The following ERC1 variants were observed in gnomAD, a reference collection of about 807,000 sequenced individuals.
ERC1 encodes the protein ELKS/RAB6-interacting/CAST family member 1.
Under a neutral mutation model 132.0 loss-of-function variants are expected in ERC1, and 56 were observed. That is an observed-to-expected ratio of 0.42 (90% confidence interval 0.34 to 0.53). The LOEUF (loss-of-function observed/expected upper bound fraction) is 0.53. Ranked by LOEUF, ERC1 falls within the 20% of genes least tolerant of loss-of-function variation. The probability of loss-of-function intolerance (pLI) is 0.03; values close to 1 mark genes in which losing one functional copy is unlikely to be tolerated. For synonymous variants in ERC1, 478 were observed against 476.1 expected (o/e 1.00, Z -0.05); for missense variants, 1,202 against 1,349.9 (o/e 0.89, Z 1.72).
intron 12 of ERC1, among the ~76,000 whole-genome samples, chr12:1,210,049 T>C (rs1957724109): frequency 6.6e-6 from 1 of 152,242 alleles, no homozygotes; most frequent in South Asian, 2.1e-4. Flanking sequence ...ACCTGTTGCC[T>C]TGTTGCTTTA....
intron 17 of ERC1, among the ~76,000 whole-genome samples, chr12:1,411,075 A>G (rs1376595951): frequency 1.3e-5 from 2 of 152,020 alleles, no homozygotes; most frequent in African/African-American, 4.8e-5. Flanking sequence ...CTTTTTTTAG[A>G]AGTCATTCTA....
rs533370863 is a variant in ERC1, at chr12:1,263,783, G to A, written c.2619+618G>A. Reference sequence around the variant, plus strand: ...CAGCTCACTGCAACCTCTGCCTCCCGGGTTCAAGTGATTCTCCTGCCTCAA... The same window carrying A: ...CAGCTCACTGCAACCTCTGCCTCCCAGGTTCAAGTGATTCTCCTGCCTCAA... On this transcript the variant is annotated intron_variant, in intron 14 of 18. Coordinates refer to ENST00000360905, the MANE Select transcript of ERC1 (RefSeq NM_178040.4). Among the ~76,000 whole-genome samples, 130 of 151,860 alleles carry A rather than the reference G, an allele frequency of 8.6e-4. 1 individual carries two copies. Among genetic ancestry groups the A allele is most frequent in the Admixed American group, 5.8e-3 (89 of 15,250 alleles).
chr12:992,397 CTT>C (rs1002427433), intron 1 of ERC1, among the ~76,000 whole-genome samples: 4 of 152,174 alleles, frequency 2.6e-5, no homozygotes, highest in Non-Finnish European at 4.4e-5. Flanking sequence ...GTACAACCGT[CTT>C]TTATAGCGTG....
intron 8 of ERC1, among the ~76,000 whole-genome samples, chr12:1,166,232 T>A (rs1952416522): frequency 6.6e-6 from 1 of 152,118 alleles, no homozygotes; most frequent in Non-Finnish European, 1.5e-5. Flanking sequence ...ATGGGATGGG[T>A]CTTTCTCGTG....
Position 1,083,508 on chromosome 12 carries a change from G to A in ERC1, c.1014G>A (p.Glu338=), listed in dbSNP as rs1458369106. ...EDHERTRRLA[E]AEMHVHHLES... ...ATGAGAGAACAAGACGACTGGCAGA[G>A]GCAGAGATGCACGTTCATCACCTAG... The change falls in exon 3 of 19, where the codon GAG becomes GAA. Residue 338 remains glutamate, a synonymous_variant. Coordinates refer to ENST00000360905, the MANE Select transcript of ERC1 (RefSeq NM_178040.4). 6.2e-7 allele frequency: 1 copy of A among 1,614,114 alleles called. No individual in the cohort carries two copies. Among genetic ancestry groups the A allele is most frequent in the Non-Finnish European group, 8.5e-7 (1 of 1,179,994 alleles).
At chr12:1,408,968 T>C (rs1027029776) in intron 17 of ERC1, among the ~76,000 whole-genome samples, 3 of 152,104 alleles carry the variant, frequency 2.0e-5, no homozygotes, top group Non-Finnish European at 4.4e-5. Flanking sequence ...CACCCAGTCT[T>C]AAAATATGTA....
At chr12:1,128,158 T>A (rs191750393) in intron 7 of ERC1, among the ~76,000 whole-genome samples, 120 of 152,336 alleles carry the variant, frequency 7.9e-4, no homozygotes, top group African/African-American at 2.7e-3. Context: ...CCACATTAGT[T>A]AATCACTTGT....
intron 18 of ERC1, 46 bp from the exon 19 acceptor site, chr12:1,490,047 A>C (rs745644639): frequency 1.3e-6 from 2 of 1,598,150 alleles, no homozygotes; most frequent in Non-Finnish European, 1.7e-6. Context: ...AGCTCAGTGC[A>C]AATGGGATTG....
At chr12:1,020,447 A>G (rs1966182042) in intron 1 of ERC1, among the ~76,000 whole-genome samples, 1 of 152,116 alleles carries the variant, frequency 6.6e-6, no homozygotes, top group African/African-American at 2.4e-5. Flanking sequence ...ACAGAGTGAG[A>G]CTCCTTCTCA....
At chr12:1,425,386 A>C (rs2092604043) in intron 17 of ERC1, among the ~76,000 whole-genome samples, 1 of 152,168 alleles carries the variant, frequency 6.6e-6, no homozygotes, top group Non-Finnish European at 1.5e-5. Flanking sequence ...AGACTTGTAG[A>C]AGCTCTTGAC....
intron 13 of ERC1, among the ~76,000 whole-genome samples, chr12:1,253,503 C>G (rs1236844222): frequency 6.6e-6 from 1 of 152,032 alleles, no homozygotes; most frequent in Non-Finnish European, 1.5e-5. Flanking sequence ...ATGTAGAAAC[C>G]TTATCTCTAT....
rs938240799 is a variant in ERC1, at chr12:1,309,549, C to T, written c.2780+19537C>T. Among the ~76,000 whole-genome samples, 3 of 152,120 alleles carry T rather than the reference C, an allele frequency of 2.0e-5. No individual in the cohort carries two copies. In the East Asian group the frequency reaches 5.8e-4, roughly 29 times the overall value. On this transcript the variant is annotated intron_variant, in intron 15 of 18. Transcript: ENST00000360905. ...TCTTCACCCACCTGTGGAGAGACAG[C>T]ATGGCCTATTTTTTTACTCTGACCC...
intron 12 of ERC1, among the ~76,000 whole-genome samples, chr12:1,203,493 A>G (rs1234380732): frequency 1.3e-5 from 2 of 152,194 alleles, no homozygotes; most frequent in East Asian, 3.8e-4. Context: ...TATTCTCACA[A>G]TGACTTTTTA....
intron 16 of ERC1, among the ~76,000 whole-genome samples, chr12:1,392,589 A>G (rs980038685): frequency 6.6e-6 from 1 of 152,146 alleles, no homozygotes; most frequent in African/African-American, 2.4e-5. Context: ...TCAGCTTCCA[A>G]TTCATTTTAA....
Position 1,059,946 on chromosome 12 carries a change from A to ATTT in ERC1, c.670-23216_670-23215insTTT, listed in dbSNP as rs572014092. Among the ~76,000 whole-genome samples the ATTT allele has an allele frequency of 3.3e-5, 5 of 152,318 alleles. No individual in the cohort carries two copies. In the South Asian group the frequency reaches 1.0e-3, roughly 32 times the overall value. The stretch of plus-strand genomic sequence containing the variant: ...CTTTAAAAGTTTTGTAGAATTTAGC[A>ATTT]TTAAAGCTATCTGATCCAGGGTTTC... On this transcript the variant is annotated intron_variant, in intron 2 of 18. Transcript: ENST00000360905.
chr12:1,034,808 CCTTT>C, intron 2 of ERC1, among the ~76,000 whole-genome samples: 1 of 152,276 alleles, frequency 6.6e-6, no homozygotes, highest in East Asian at 1.9e-4. Flanking sequence ...TACGTAATAT[CCTTT>C]CTAAGTATCA....
intron 17 of ERC1, among the ~76,000 whole-genome samples, chr12:1,408,821 G>A (rs1470352075): frequency 1.3e-5 from 2 of 152,188 alleles, no homozygotes; most frequent in Non-Finnish European, 2.9e-5. Context: ...TGATGAATCT[G>A]AAGGGAACCA....
intron 8 of ERC1, among the ~76,000 whole-genome samples, chr12:1,159,703 G>A (rs1010718898): frequency 2.6e-5 from 4 of 152,004 alleles, no homozygotes; most frequent in Non-Finnish European, 4.4e-5. Context: ...TTTTTCTGAT[G>A]ACTTTTATGT....
intron 2 of ERC1, among the ~76,000 whole-genome samples, chr12:1,042,338 G>GTTTTTTTT (rs776086251): frequency 3.3e-5 from 4 of 120,976 alleles, no homozygotes; most frequent in Non-Finnish European, 3.3e-5. Context: ...CGCCCGGCCT[G>GTTTTTTTT]TTTTTTTTTT....
Sources: allele counts gnomAD v4.1 joint callset (sites outside exome capture counted in the v4.1 genomes callset), GRCh38; gene constraint gnomAD v4.1.1; transcripts MANE v1.5; gene names NCBI Gene and HGNC (gene_info 2026-07-23, HGNC 2026-07-21).